The following SORCS2 variants were observed in gnomAD, a reference collection of about 807,000 sequenced individuals.
SORCS2 encodes the protein sortilin related VPS10 domain containing receptor 2.
SORCS2 carries 100 observed loss-of-function variants against 141.6 expected under a neutral mutation model. That is an observed-to-expected ratio of 0.71 (90% CI 0.60 to 0.83). SORCS2 has a LOEUF of 0.83. SORCS2 is among the 40% of genes least tolerant of loss of function. The pLI is 0.00. For missense variants in SORCS2, 1,646 were observed against 1,560.2 expected (o/e 1.05, Z -0.93); for synonymous variants, 789 against 676.9 (o/e 1.17, Z -2.57).
chr4:7,684,642 CA>C (rs1423997384), intron 10 of SORCS2, among the ~76,000 whole-genome samples: 1 of 152,212 alleles, frequency 6.6e-6, no homozygotes, highest in Non-Finnish European at 1.5e-5. Context: ...ATAGAAAGAA[CA>C]AAAGTACCCG....
chr4:7,362,913 A>G (rs1721669587), intron 1 of SORCS2, among the ~76,000 whole-genome samples: 1 of 150,266 alleles, frequency 6.7e-6, no homozygotes, highest in South Asian at 2.1e-4. Context: ...TATTACTATC[A>G]TCATCACCAT....
intron 5 of SORCS2, among the ~76,000 whole-genome samples, chr4:7,655,420 G>A (rs62290676): frequency 1.3e-5 from 2 of 152,144 alleles, no homozygotes; most frequent in Admixed American, 6.5e-5. Context: ...TCAGCCTTCC[G>A]TTCCAAAGCT....
chr4:7,197,048 T>A (rs1187992727), intron 1 of SORCS2, among the ~76,000 whole-genome samples: 6 of 152,200 alleles, frequency 3.9e-5, no homozygotes, highest in Non-Finnish European at 8.8e-5. Context: ...AAATGTATTT[T>A]CTTGCAGTCC....
At chr4:7,641,074 C>T (rs1199375082) in intron 4 of SORCS2, among the ~76,000 whole-genome samples, 4 of 152,144 alleles carry the variant, frequency 2.6e-5, no homozygotes, top group Admixed American at 1.3e-4. Flanking sequence ...AAATCAGCAG[C>T]CTTCCCTGTG....
At chr4:7,684,783 A>G (rs1378823471) in intron 10 of SORCS2, among the ~76,000 whole-genome samples, 1 of 152,196 alleles carries the variant, frequency 6.6e-6, no homozygotes, top group Non-Finnish European at 1.5e-5. Flanking sequence ...TCCACCTGGC[A>G]CACAGCAGGG....
At chr4:7,455,649 AG>A (rs1728856587) in intron 2 of SORCS2, among the ~76,000 whole-genome samples, 2 of 139,304 alleles carry the variant, frequency 1.4e-5, no homozygotes, top group African/African-American at 5.5e-5. Context: ...TGTTGGGGTC[AG>A]GCTTCGTGTT....
At chr4:7,322,369 C>T (rs1456470750) in intron 1 of SORCS2, among the ~76,000 whole-genome samples, 1 of 152,218 alleles carries the variant, frequency 6.6e-6, no homozygotes, top group African/African-American at 2.4e-5. Context: ...CTCCCTCTAT[C>T]TGCCTCCTGG....
chr4:7,676,946 C>T (rs1445879270), intron 9 of SORCS2, among the ~76,000 whole-genome samples: 2 of 77,536 alleles, frequency 2.6e-5, no homozygotes, highest in African/African-American at 8.5e-5. Flanking sequence ...CTCCCTCTCT[C>T]CCTCTGCCTT....
intron 8 of SORCS2, among the ~76,000 whole-genome samples, chr4:7,674,805 GAAAA>G (rs113543508): frequency 8.9e-6 from 1 of 112,640 alleles, no homozygotes; most frequent in South Asian, 2.6e-4. Flanking sequence ...TTATTGTACA[GAAAA>G]AAAAAAAAAA....
At chr4:7,426,778 A>G (rs984484903) in intron 2 of SORCS2, among the ~76,000 whole-genome samples, 19 of 152,172 alleles carry the variant, frequency 1.2e-4, no homozygotes, top group Non-Finnish European at 8.8e-5. Flanking sequence ...GCCCAGGGTC[A>G]CACAGGTAGC....
At chr4:7,599,186 C>T (rs1717487930) in intron 3 of SORCS2, among the ~76,000 whole-genome samples, 1 of 152,140 alleles carries the variant, frequency 6.6e-6, no homozygotes, top group Non-Finnish European at 1.5e-5. Context: ...CCGAGATCTC[C>T]ACAGCTCTTG....
chr4:7,406,571 C>G (rs916973634), intron 2 of SORCS2, among the ~76,000 whole-genome samples: 2 of 151,520 alleles, frequency 1.3e-5, no homozygotes, highest in African/African-American at 2.4e-5. Flanking sequence ...TCTGTGGTCT[C>G]AGTTGTTATG....
intron 1 of SORCS2, among the ~76,000 whole-genome samples, chr4:7,269,027 G>A (rs1268297828): frequency 6.6e-6 from 1 of 152,240 alleles, no homozygotes; most frequent in African/African-American, 2.4e-5. Flanking sequence ...GGGGCCTGGT[G>A]GTTGGCAGAG....
intron 8 of SORCS2, 99 bp downstream of exon 8, chr4:7,667,312 AGGT>A: frequency 9.0e-7 from 1 of 1,106,278 alleles, no homozygotes; most frequent in South Asian, 1.4e-5. Flanking sequence ...TGGCGGTCCC[AGGT>A]CAGGATGGAC....
At chr4:7,327,557 C>G (rs1291504023) in intron 1 of SORCS2, among the ~76,000 whole-genome samples, 1 of 152,246 alleles carries the variant, frequency 6.6e-6, no homozygotes, top group Non-Finnish European at 1.5e-5. Context: ...GACCAGAGTC[C>G]CTGCTGGTCT....
intron 2 of SORCS2, among the ~76,000 whole-genome samples, chr4:7,403,882 A>G (rs1724745786): frequency 6.8e-6 from 1 of 147,562 alleles, no homozygotes; most frequent in Non-Finnish European, 1.5e-5. Context: ...GCACGAAGTA[A>G]TTTTGAATAC....
At chr4:7,292,454 G>A (rs145375763) in intron 1 of SORCS2, among the ~76,000 whole-genome samples, 4 of 124,902 alleles carry the variant, frequency 3.2e-5, no homozygotes, top group Non-Finnish European at 7.1e-5. Context: ...GGTGTGGATC[G>A]TGGTGGTGGT....
chr4:7,431,452 C>T (rs1306848486), intron 2 of SORCS2: 1 of 152,244 alleles, frequency 6.6e-6, no homozygotes, highest in Non-Finnish European at 1.5e-5. Context: ...CCTCCCGACT[C>T]ACAGCCAAGC....
At chr4:7,579,450 CTG>C (rs1290364045) in intron 3 of SORCS2, among the ~76,000 whole-genome samples, 1 of 152,124 alleles carries the variant, frequency 6.6e-6, no homozygotes, top group Non-Finnish European at 1.5e-5. Flanking sequence ...GCTGAGCAAA[CTG>C]AGGCTCAGAG....
Sources: gnomAD v4.1 joint callset for allele counts (sites outside exome capture counted in the v4.1 genomes callset) on GRCh38, gnomAD v4.1.1 for gene constraint, MANE v1.5 for transcripts, NCBI Gene and HGNC (gene_info 2026-07-23, HGNC 2026-07-21) for gene names.